Variants in INPP5K observed in about 807,000 individuals in gnomAD.
INPP5K encodes inositol polyphosphate 5-phosphatase K.
A neutral mutation model predicts 53.5 loss-of-function variants in INPP5K; 35 were observed. The ratio of observed to expected loss-of-function variants is 0.65; its 90% CI spans 0.50 to 0.87. INPP5K has a LOEUF of 0.87. INPP5K is among the 40% of genes least tolerant of loss of function. INPP5K has a pLI of 0.00. For synonymous variants in INPP5K, 253 were observed against 232.8 expected (o/e 1.09, Z -0.79); for missense variants, 550 against 586.2 (o/e 0.94, Z 0.64).
At position 1,498,661 on chromosome 17, in the gene INPP5K, G is replaced by A. The variant is rs2074926243; in HGVS notation, c.777-539C>T. 1.3e-5 allele frequency among the ~76,000 whole-genome samples: 2 copies of A among 152,150 alleles called. 1 individual carries two copies. Among genetic ancestry groups the A allele is most frequent in the South Asian group, 4.1e-4 (2 of 4,820 alleles). ...GCTCTGTCATGCAGGCTGGAGTGCA[G>A]TGGTGACATCACAGCTTACTGTAGC... On this transcript the variant is annotated intron_variant, in intron 7 of 11. Coordinates refer to ENST00000421807, the MANE Select transcript of INPP5K (RefSeq NM_016532.4).
chr17:1,509,068 C>CG, intron 5 of INPP5K, 110 bp downstream of exon 5: 1 of 821,982 alleles, frequency 1.2e-6, no homozygotes. Flanking sequence ...TGGGGGTCAG[C>CG]GTGGGGCAGA....
chr17:1,499,506 G>T (rs534814846), intron 7 of INPP5K, among the ~76,000 whole-genome samples: 2 of 152,268 alleles, frequency 1.3e-5, no homozygotes, highest in East Asian at 3.9e-4. Context: ...AAAAAAAGGA[G>T]TCGACTGAGA....
At position 1,495,610 on chromosome 17, in the gene INPP5K, A is replaced by T; in HGVS notation, c.*213T>A. On this transcript the variant is annotated 3_prime_UTR_variant, in exon 12 of 12. Transcript: ENST00000421807. ...CACTAGCTGGTTTCACTCACATCTCAGCAACAAAAACCTGTATTTAAGCGG... is the reference window on the plus strand; with the variant it reads ...CACTAGCTGGTTTCACTCACATCTCTGCAACAAAAACCTGTATTTAAGCGG... 1.8e-6 allele frequency: 1 copy of T among 553,818 alleles called. No homozygotes were observed. Among genetic ancestry groups the T allele is most frequent in the Non-Finnish European group, 3.2e-6 (1 of 313,882 alleles). The allele number at this position is 553,818 out of a possible 1,614,324, so 34.3% of individuals were successfully genotyped here.
chr17:1,498,229 C>T (rs1006179714), intron 7 of INPP5K, 107 bp from the exon 8 acceptor site: 1 of 956,180 alleles, frequency 1.0e-6, no homozygotes, highest in Non-Finnish European at 1.6e-6. Flanking sequence ...ACTCCAGCAA[C>T]TACTGGCAGC....
intron 1 of INPP5K, chr17:1,515,602 T>C: frequency 1.0e-6 from 1 of 985,484 alleles, no homozygotes; most frequent in African/African-American, 1.7e-5. Flanking sequence ...TGGCAGAGGG[T>C]ACAGGGGGAT....
chr17:1,504,098 C>T (rs1287184372), intron 7 of INPP5K, among the ~76,000 whole-genome samples: 1 of 152,212 alleles, frequency 6.6e-6, no homozygotes. Context: ...ACCTTCTGCA[C>T]GGAGTTCTGG....
At chr17:1,508,270 C>T (rs1379984255) in intron 5 of INPP5K, 44 bp from the exon 6 acceptor site, 7 of 1,480,244 alleles carry the variant, frequency 4.7e-6, no homozygotes, top group African/African-American at 1.4e-5. Flanking sequence ...GTGATGAAGT[C>T]GGGGAAGGGA....
At chr17:1,496,189 G>A (rs759337801) in intron 10 of INPP5K, 25 bp from the exon 11 acceptor site, 2 of 1,557,694 alleles carry the variant, frequency 1.3e-6, no homozygotes, top group Non-Finnish European at 1.8e-6. Flanking sequence ...ACAGGACTGG[G>A]GTCAGCTCCA....
chr17:1,509,417 A>T, intron 4 of INPP5K, 64 bp from the exon 5 acceptor site: 1 of 1,479,178 alleles, frequency 6.8e-7, no homozygotes, highest in South Asian at 1.2e-5. Flanking sequence ...CTCTTTCCAC[A>T]TCCTGGACCT....
At position 1,513,922 on chromosome 17, in the gene INPP5K, G is replaced by T. The variant is rs774687585; in HGVS notation, c.102C>A (p.Asp34Glu). 7.4e-6 allele frequency: 12 copies of T among 1,613,626 alleles called. No individual in the cohort carries two copies. The South Asian group carries it at 1.3e-4, about 18-fold the overall frequency. Residue 34 changes from aspartate to glutamate, a missense_variant, in exon 2 of 12, where the codon GAC becomes GAA. Transcript: ENST00000421807. ...GGTTCCGGTTGTTCAGCTGAAGCAG[G>T]TCACTGAGATCTAGAGGGGGCGCTG... ...ASAAPPLDLS[D>E]LLQLNNRNLN...
At chr17:1,508,044 A>G (rs1302584538) in intron 6 of INPP5K, 71 bp downstream of exon 6, 7 of 1,106,178 alleles carry the variant, frequency 6.3e-6, no homozygotes, top group Middle Eastern at 2.0e-4. Context: ...ATCTAGCAAC[A>G]CTCTGCACAG....
chr17:1,507,345 C>T (rs1220459013), intron 6 of INPP5K: 2 of 499,080 alleles, frequency 4.0e-6, no homozygotes, highest in Admixed American at 3.7e-5. Context: ...TGCAGGGACC[C>T]AACTTGGAAT....
intron 6 of INPP5K, among the ~76,000 whole-genome samples, chr17:1,507,858 T>G (rs925007214): frequency 1.3e-5 from 2 of 152,096 alleles, no homozygotes; most frequent in Non-Finnish European, 2.9e-5. Context: ...ATTCTTCTTT[T>G]TTAAATAATT....
intron 7 of INPP5K, among the ~76,000 whole-genome samples, chr17:1,500,555 C>T (rs530053209): frequency 4.2e-4 from 64 of 152,146 alleles, no homozygotes; most frequent in African/African-American, 1.3e-3. Flanking sequence ...TTAGTAGAGA[C>T]GGGGTTTCAC....
Position 1,508,409 on chromosome 17 carries a change from A to G in INPP5K, c.555-183T>C, listed in dbSNP as rs957689822. On this transcript the variant is annotated intron_variant, in intron 5 of 11. Coordinates refer to ENST00000421807, the MANE Select transcript of INPP5K (RefSeq NM_016532.4). ...TCTCATGGCTCCTAAACCACCATTC[A>G]AACCGGAGAGACCTACCAAAGAGCC... The G allele has an allele frequency of 4.5e-5, 27 of 594,246 alleles. No individual in the cohort carries two copies. In the African/African-American group the frequency reaches 4.9e-4, roughly 11 times the overall value. The allele number at this position is 594,246 out of a possible 1,614,324, so 36.8% of individuals were successfully genotyped here.
In INPP5K at chr17:1,507,109, C is replaced by T. The variant is rs374566605; in HGVS notation, c.667-20G>A. 2.3e-5 allele frequency: 36 copies of T among 1,596,346 alleles called. No individual in the cohort carries two copies. Among genetic ancestry groups the T allele is most frequent in the Non-Finnish European group, 3.1e-5 (36 of 1,164,254 alleles). ...GCTGAGCTGCAGACAAAGTCATAGT[C>T]CCCGTCTCCCAGTAGTCTCGACCCA... On this transcript the variant is annotated intron_variant, in intron 6 of 11. Coordinates refer to ENST00000421807, the MANE Select transcript of INPP5K (RefSeq NM_016532.4).
intron 7 of INPP5K, among the ~76,000 whole-genome samples, chr17:1,503,461 G>T (rs1350354647): frequency 2.0e-5 from 3 of 152,106 alleles, no homozygotes. Context: ...GGGATTTCAG[G>T]CGTGAGCCAC....
intron 7 of INPP5K, among the ~76,000 whole-genome samples, chr17:1,502,870 A>G (rs895610686): frequency 6.6e-6 from 1 of 151,286 alleles, no homozygotes; most frequent in Non-Finnish European, 1.5e-5. Flanking sequence ...CTGGGACTTC[A>G]GGGGTACACA....
At chr17:1,514,196 G>A (rs143969508) in intron 1 of INPP5K, among the ~76,000 whole-genome samples, 21 of 152,132 alleles carry the variant, frequency 1.4e-4, no homozygotes, top group Admixed American at 2.0e-4. Context: ...GGTGGCAGGC[G>A]CCTGTAATCC....
Sources: allele counts gnomAD v4.1 joint callset (sites outside exome capture counted in the v4.1 genomes callset), GRCh38; gene constraint gnomAD v4.1.1; transcripts MANE v1.5; gene names NCBI Gene and HGNC (gene_info 2026-07-23, HGNC 2026-07-21).